The following GABRG3 variants were observed in gnomAD, a reference collection of about 807,000 sequenced individuals.
The protein encoded by GABRG3 is gamma-aminobutyric acid receptor subunit gamma-3.
A neutral mutation model predicts 48.8 loss-of-function variants in GABRG3; 25 were observed. The ratio of observed to expected loss-of-function variants is 0.51; its 90% CI spans 0.37 to 0.72. The LOEUF is 0.72. Among genes scored for constraint, GABRG3 ranks in the 30% least tolerant of loss-of-function variants. The pLI is 0.00. For synonymous variants in GABRG3, 227 were observed against 217.6 expected, an observed-to-expected ratio of 1.04 and a Z score of -0.38; for missense variants, 394 against 577.9, an observed-to-expected ratio of 0.68 and a Z score of 3.26.
chr15:27,241,612 T>G (rs1317420765), intron 3 of GABRG3, among the ~76,000 whole-genome samples: 2 of 152,238 alleles, frequency 1.3e-5, no homozygotes. Flanking sequence ...GGATGCTGCA[T>G]CTAAAAATTC....
At chr15:27,238,095 T>TTGATGAGGAATGTATGCTTC (rs763473912) in intron 3 of GABRG3, among the ~76,000 whole-genome samples, 1 of 148,036 alleles carries the variant, frequency 6.8e-6, no homozygotes, top group Non-Finnish European at 1.5e-5. Flanking sequence ...TGTGATGGGA[T>TTGATGAGGAATGTATGCTTC]CATCTTGAGA....
intron 2 of GABRG3, among the ~76,000 whole-genome samples, chr15:26,988,211 CT>C (rs1291772034): frequency 6.6e-6 from 1 of 152,144 alleles, no homozygotes; most frequent in Non-Finnish European, 1.5e-5. Context: ...GCTTTTCTAT[CT>C]ATTTCTATTA....
intron 5 of GABRG3, among the ~76,000 whole-genome samples, chr15:27,423,499 A>C (rs1178388098): frequency 1.3e-5 from 2 of 151,364 alleles, no homozygotes; most frequent in Non-Finnish European, 2.9e-5. Flanking sequence ...GATCTGTGAG[A>C]ATTTGAGCAA....
chr15:27,471,805 T>A (rs1889795639), intron 5 of GABRG3, among the ~76,000 whole-genome samples: 1 of 152,166 alleles, frequency 6.6e-6, no homozygotes. Context: ...CCAAGAGAAG[T>A]TTCATCTTTC....
At chr15:27,101,618 G>C (rs1361870729) in intron 3 of GABRG3, among the ~76,000 whole-genome samples, 1 of 152,110 alleles carries the variant, frequency 6.6e-6, no homozygotes, top group Non-Finnish European at 1.5e-5. Flanking sequence ...ATCCAGAAAT[G>C]AACCCATGCA....
chr15:27,057,090 C>T (rs1896561860), intron 3 of GABRG3, among the ~76,000 whole-genome samples: 1 of 152,194 alleles, frequency 6.6e-6, no homozygotes, highest in Non-Finnish European at 1.5e-5. Flanking sequence ...AACCTTCCAA[C>T]AGTGGCCAGA....
intron 3 of GABRG3, among the ~76,000 whole-genome samples, chr15:27,207,652 CA>C (rs950394355): frequency 3.3e-5 from 5 of 152,182 alleles, no homozygotes; most frequent in Non-Finnish European, 7.3e-5. Context: ...TGGGGGACAC[CA>C]GGGGGGCACA....
At chr15:27,230,632 G>C (rs965539500) in intron 3 of GABRG3, among the ~76,000 whole-genome samples, 2 of 152,008 alleles carry the variant, frequency 1.3e-5, no homozygotes, top group African/African-American at 4.8e-5. Flanking sequence ...TTATGGTTTG[G>C]GTGAATAGGT....
At chr15:27,082,287 C>T (rs886197851) in intron 3 of GABRG3, among the ~76,000 whole-genome samples, 3 of 152,202 alleles carry the variant, frequency 2.0e-5, no homozygotes, top group Non-Finnish European at 4.4e-5. Context: ...CACCCAATTT[C>T]ACATGAAGCC....
At chr15:27,221,094 G>A (rs1889439504) in intron 3 of GABRG3, among the ~76,000 whole-genome samples, 1 of 152,012 alleles carries the variant, frequency 6.6e-6, no homozygotes, top group Admixed American at 6.5e-5. Context: ...ATTAATTAAG[G>A]GGAGTCAGAA....
Position 27,514,561 on chromosome 15 carries a change from AT to A in GABRG3, c.713-5407del, listed in dbSNP as rs547668301. Reference sequence around the variant, plus strand: ...TCTTTGATTAACTTGAAATCAACAGATTTTGGGTCTTAATTACATTTGCAAA... The same window carrying A: ...TCTTTGATTAACTTGAAATCAACAGATTTGGGTCTTAATTACATTTGCAAA... On this transcript the variant is annotated intron_variant, in intron 6 of 9. Transcript: ENST00000615808. 3.4e-3 allele frequency among the ~76,000 whole-genome samples: 516 copies of A among 152,304 alleles called. 5 individuals are homozygous for A. Among genetic ancestry groups the A allele is most frequent in the African/African-American group, 0.012 (505 of 41,566 alleles).
chr15:27,405,829 A>C, intron 5 of GABRG3, among the ~76,000 whole-genome samples: 1 of 149,920 alleles, frequency 6.7e-6, no homozygotes, highest in East Asian at 2.0e-4. Flanking sequence ...GACTCCTTTA[A>C]GAAATGGCTG....
intron 5 of GABRG3, among the ~76,000 whole-genome samples, chr15:27,387,270 A>G (rs1398689652): frequency 6.6e-6 from 1 of 150,872 alleles, no homozygotes; most frequent in East Asian, 2.0e-4. Context: ...TTTTTATTTG[A>G]TGAGTCATTC....
chr15:27,341,013 CTG>C (rs1288015420), intron 5 of GABRG3: 1 of 511,226 alleles, frequency 2.0e-6, no homozygotes. Context: ...GGCTGGAACA[CTG>C]TGCTGAGAAA....
At chr15:27,370,862 C>A (rs1163613124) in intron 5 of GABRG3, among the ~76,000 whole-genome samples, 1 of 152,154 alleles carries the variant, frequency 6.6e-6, no homozygotes, top group Non-Finnish European at 1.5e-5. Flanking sequence ...AGTGGCAAAA[C>A]ACGGGTGCAG....
chr15:27,282,230 C>T (rs1296092448), intron 3 of GABRG3, among the ~76,000 whole-genome samples: 1 of 152,158 alleles, frequency 6.6e-6, no homozygotes, highest in Non-Finnish European at 1.5e-5. Flanking sequence ...TTGGGGTTTG[C>T]TCAGCTTCTT....
chr15:27,133,158 T>G (rs1167582542), intron 3 of GABRG3, among the ~76,000 whole-genome samples: 1 of 151,984 alleles, frequency 6.6e-6, no homozygotes, highest in Non-Finnish European at 1.5e-5. Context: ...ATTATTGAGA[T>G]TTTTTTCCCT....
At chr15:26,993,373 G>T (rs960874552) in intron 2 of GABRG3, among the ~76,000 whole-genome samples, 1 of 151,788 alleles carries the variant, frequency 6.6e-6, no homozygotes, top group African/African-American at 2.4e-5. Context: ...TACTAATTTT[G>T]CTGTTTCCCA....
chr15:27,434,623 C>A (rs1429491362), intron 5 of GABRG3, among the ~76,000 whole-genome samples: 2 of 152,116 alleles, frequency 1.3e-5, no homozygotes, highest in African/African-American at 4.8e-5. Context: ...ATATAACTTA[C>A]CCAAATAAAG....
Sources: gnomAD v4.1 joint callset for allele counts (sites outside exome capture counted in the v4.1 genomes callset) on GRCh38, gnomAD v4.1.1 for gene constraint, MANE v1.5 for transcripts, NCBI Gene and HGNC (gene_info 2026-07-23, HGNC 2026-07-21) for gene names.